The following ZNF469 variants were observed in gnomAD, a reference collection of about 807,000 sequenced individuals.
ZNF469 encodes the protein zinc finger protein 469.
ZNF469 carries 1 observed loss-of-function variant against 1.0 expected under a neutral mutation model. That is an observed-to-expected ratio of 1.00 (90% CI 0.35 to 4.73). The LOEUF is 4.73. Among genes scored for constraint, ZNF469 ranks in the 30% most tolerant of loss-of-function variants. ZNF469 has a pLI of 0.16. For missense variants in ZNF469, 6,100 were observed against 5,356.3 expected, an observed-to-expected ratio of 1.14 and a Z score of -4.33; for synonymous variants, 2,703 against 2,363.4, an observed-to-expected ratio of 1.14 and a Z score of -4.17.
the ZNF469 span, among the ~76,000 whole-genome samples, chr16:88,282,002 G>A: frequency 6.6e-6 from 1 of 152,214 alleles, no homozygotes; most frequent in South Asian, 2.1e-4. Context: ...GCATGGGTTA[G>A]TTAGTACTAA....
chr16:88,438,710 G>GCA lies in ZNF469; in HGVS notation c.11241_11242dup (p.Ser3748ThrfsTer59). The GCA allele has an allele frequency of 6.5e-7, 1 of 1,549,952 alleles. No individual in the cohort carries two copies. Among genetic ancestry groups the GCA allele is most frequent in the Non-Finnish European group, 8.7e-7 (1 of 1,146,826 alleles). Reference sequence around the variant, plus strand: ...CGCCCCGGCACCAAGACAGGAGGTGGCAGCCAGCCCCAGCCAGCCAGCGGG... The same window carrying GCA: ...CGCCCCGGCACCAAGACAGGAGGTGGCACAGCCAGCCCCAGCCAGCCAGCGGG... On this transcript the variant is annotated frameshift_variant, in exon 3 of 3. Coordinates refer to ENST00000565624, the MANE Select transcript of ZNF469 (RefSeq NM_001367624.2). LOFTEE classifies it low-confidence loss of function (END_TRUNC).
chr16:88,284,536 A>G, the ZNF469 span, among the ~76,000 whole-genome samples: 9 of 146,984 alleles, frequency 6.1e-5, no homozygotes, highest in Admixed American at 2.1e-4. Context: ...GCTTGAGCCC[A>G]GGAGGTCAAG....
At chr16:88,401,772 T>C (rs1904878008) in intron 1 of ZNF469, among the ~76,000 whole-genome samples, 1 of 148,864 alleles carries the variant, frequency 6.7e-6, no homozygotes, top group Non-Finnish European at 1.5e-5. Flanking sequence ...GGTAGATGGA[T>C]GGATGCATGG....
At chr16:88,289,105 A>T in the ZNF469 span, among the ~76,000 whole-genome samples, 6 of 151,790 alleles carry the variant, frequency 4.0e-5, no homozygotes, top group Non-Finnish European at 4.4e-5. Context: ...GATGAGGGTG[A>T]TGATGGTAAC....
At chr16:88,271,451 A>C in the ZNF469 span, among the ~76,000 whole-genome samples, 1 of 138,444 alleles carries the variant, frequency 7.2e-6, no homozygotes, top group Non-Finnish European at 1.6e-5. Flanking sequence ...GTGAGTTCAC[A>C]GTGGGCGGAC....
chr16:88,298,269 CT>C, the ZNF469 span, among the ~76,000 whole-genome samples: 3 of 152,334 alleles, frequency 2.0e-5, no homozygotes, highest in East Asian at 1.9e-4. Context: ...AGCGGCACCC[CT>C]GGTCAGGGCT....
the ZNF469 span, among the ~76,000 whole-genome samples, chr16:88,116,530 G>A: frequency 2.3e-3 from 353 of 152,286 alleles, no homozygotes; most frequent in Non-Finnish European, 2.3e-3. Context: ...AAATGAAGAC[G>A]TATCTTCATG....
the ZNF469 span, among the ~76,000 whole-genome samples, chr16:88,302,183 G>A: frequency 6.6e-6 from 1 of 152,288 alleles, no homozygotes; most frequent in East Asian, 1.9e-4. Flanking sequence ...CAGGGAGGAC[G>A]GAGGAGCTGC....
At chr16:88,376,663 C>A in the ZNF469 span, among the ~76,000 whole-genome samples, 3 of 152,370 alleles carry the variant, frequency 2.0e-5, no homozygotes, top group Non-Finnish European at 2.9e-5. Context: ...TCCGGCTGAG[C>A]GTGTCTGGAG....
intron 1 of ZNF469, among the ~76,000 whole-genome samples, chr16:88,401,682 GAT>G (rs1904870875): frequency 5.3e-5 from 1 of 18,964 alleles, no homozygotes; most frequent in African/African-American, 4.6e-4. Flanking sequence ...TGAGTGCATG[GAT>G]GGATGGATGG....
chr16:88,360,896 G>A, the ZNF469 span, among the ~76,000 whole-genome samples: 1 of 152,144 alleles, frequency 6.6e-6, no homozygotes, highest in Non-Finnish European at 1.5e-5. Context: ...TTTCATGGAA[G>A]ATAATTTTTT....
chr16:88,254,599 A>T, the ZNF469 span, among the ~76,000 whole-genome samples: 36 of 152,318 alleles, frequency 2.4e-4, 1 homozygote, highest in Middle Eastern at 3.4e-3. Flanking sequence ...CTCTACTAAA[A>T]GTACAAAAAT....
At chr16:88,235,645 G>C in the ZNF469 span, among the ~76,000 whole-genome samples, 1 of 152,216 alleles carries the variant, frequency 6.6e-6, no homozygotes, top group Admixed American at 6.5e-5. Context: ...GGAGGTCAAC[G>C]TTTCAAGGAA....
At chr16:88,426,111 C>A (rs545837851) in intron 2 of ZNF469, among the ~76,000 whole-genome samples, 1 of 152,226 alleles carries the variant, frequency 6.6e-6, no homozygotes, top group Non-Finnish European at 1.5e-5. Flanking sequence ...CAGCTCAGGC[C>A]GGTGGGAGGG....
At chr16:88,336,435 ACG>A in the ZNF469 span, among the ~76,000 whole-genome samples, 1 of 150,622 alleles carries the variant, frequency 6.6e-6, no homozygotes, top group African/African-American at 2.5e-5. Flanking sequence ...AACATCACAC[ACG>A]TTCATCCTTC....
At chr16:88,228,672 A>G in the ZNF469 span, among the ~76,000 whole-genome samples, 2 of 152,172 alleles carry the variant, frequency 1.3e-5, no homozygotes, top group Non-Finnish European at 2.9e-5. Flanking sequence ...AAAGGACCAA[A>G]AAGACACCAA....
chr16:88,297,452 C>T, the ZNF469 span, among the ~76,000 whole-genome samples: 1 of 152,362 alleles, frequency 6.6e-6, no homozygotes, highest in South Asian at 2.1e-4. Flanking sequence ...CTGCAAAGCA[C>T]CTGCATCTGC....
the ZNF469 span, among the ~76,000 whole-genome samples, chr16:88,254,697 G>A: frequency 6.6e-6 from 1 of 152,194 alleles, no homozygotes; most frequent in Non-Finnish European, 1.5e-5. Context: ...GGCGGAGGTT[G>A]CAGTGAGCCA....
chr16:88,278,854 C>G, the ZNF469 span, among the ~76,000 whole-genome samples: 1 of 31,554 alleles, frequency 3.2e-5, no homozygotes, highest in South Asian at 9.7e-4. Context: ...TATCAGTGCA[C>G]AGTTAGTGCT....
Sources: allele counts gnomAD v4.1 joint callset (sites outside exome capture counted in the v4.1 genomes callset), GRCh38; gene constraint gnomAD v4.1.1; transcripts MANE v1.5; gene names NCBI Gene and HGNC (gene_info 2026-07-23, HGNC 2026-07-21).